BSN: variants seen among roughly 807,000 people sequenced by gnomAD.
BSN encodes the protein protein bassoon.
Under a neutral mutation model 264.8 loss-of-function variants are expected in BSN, and 57 were observed. That is an observed-to-expected ratio of 0.22 (90% CI 0.17 to 0.27). The LOEUF (loss-of-function observed/expected upper bound fraction) is 0.27. BSN is among the 10% of genes least tolerant of loss of function. The pLI is 1.00. For synonymous variants in BSN, 2,059 were observed against 2,137.3 expected (o/e 0.96, Z 1.01); for missense variants, 4,615 against 5,232.5 (o/e 0.88, Z 3.64).
chr3:49,592,481 C>T (rs999612719), intron 1 of BSN, among the ~76,000 whole-genome samples: 3 of 150,590 alleles, frequency 2.0e-5, no homozygotes, highest in Admixed American at 1.3e-4. Flanking sequence ...GGGCCGGACG[C>T]GGTGGCTCAC....
At chr3:49,636,152 C>T (rs377699890) in intron 2 of BSN, among the ~76,000 whole-genome samples, 5 of 152,176 alleles carry the variant, frequency 3.3e-5, no homozygotes, top group African/African-American at 1.2e-4. Context: ...TGGTCTGCAG[C>T]TCAGCCCCAT....
intron 1 of BSN, among the ~76,000 whole-genome samples, chr3:49,558,938 G>T (rs1249935938): frequency 6.6e-6 from 1 of 152,006 alleles, no homozygotes; most frequent in African/African-American, 2.4e-5. Context: ...TTTGTTTTTT[G>T]TTTTTTGAGA....
At chr3:49,607,038 C>T (rs1282158273) in intron 1 of BSN, among the ~76,000 whole-genome samples, 6 of 152,096 alleles carry the variant, frequency 3.9e-5, no homozygotes, top group Non-Finnish European at 7.4e-5. Flanking sequence ...CTGTGCAGAC[C>T]CCCATGCACT....
In BSN at chr3:49,655,391, G is replaced by C. The variant is rs2052589997; in HGVS notation, c.5835G>C (p.Arg1945=). 5.1e-6 allele frequency: 8 copies of C among 1,578,022 alleles called. No individual in the cohort carries two copies. The highest frequency in any genetic ancestry group is 6.0e-6 in the Non-Finnish European group (7 of 1,161,556). ...GQSSSPFYGP[R]DPEPPEPPTY... ...GCAGCAGCCCCTTCTATGGTCCCCG[G>C]GACCCTGAGCCTCCTGAGCCCCCAA... The change falls in exon 5 of 12, where the codon CGG becomes CGC. Residue 1945 remains arginine, a synonymous_variant. Coordinates refer to ENST00000296452, the MANE Select transcript of BSN (RefSeq NM_003458.4).
chr3:49,658,134 G>A lies in BSN; in HGVS notation c.8578G>A (p.Ala2860Thr), dbSNP rs778635609. Residue 2860 changes from alanine (A) to threonine (T), a missense_variant, in exon 5 of 12, where the codon GCC (alanine) becomes ACC (threonine). Around this residue, in one of 3 missense-constraint regions of BSN, gnomAD observed 3,415 missense variants for 3,866.4 expected, o/e 0.88. Coordinates refer to ENST00000296452, the MANE Select transcript of BSN (RefSeq NM_003458.4). ...LSDPKPLSPT[A>T]EESAKERFSL... ...TGACCCTAAGCCCCTCAGCCCCACC[G>A]CCGAAGAGTCTGCCAAAGAGAGATT... The A allele has an allele frequency of 1.0e-5, 16 of 1,606,350 alleles. No individual in the cohort carries two copies. In the African/African-American group the frequency reaches 1.3e-4, roughly 13 times the overall value.
Position 49,656,726 on chromosome 3 carries a change from G to A in BSN, c.7170G>A (p.Leu2390=). The part of the protein sequence containing the change: ...VELEKLRQLR[L]QEELERERVE... ...TGGAGAAGCTGCGACAACTTCGGCT[G>A]CAAGAGGAGCTAGAGCGGGAACGTG... The change falls in exon 5 of 12, where the codon CTG becomes CTA. Residue 2390 remains leucine, a synonymous_variant. Coordinates refer to ENST00000296452, the MANE Select transcript of BSN (RefSeq NM_003458.4). 1.3e-6 allele frequency: 2 copies of A among 1,577,580 alleles called. No homozygotes were observed. The highest frequency in any genetic ancestry group is 1.1e-5 in the South Asian group (1 of 86,972).
chr3:49,603,404 TCTTAGGGTG>T, intron 1 of BSN, among the ~76,000 whole-genome samples: 1 of 152,300 alleles, frequency 6.6e-6, no homozygotes, highest in African/African-American at 2.4e-5. Flanking sequence ...GTTCCTGACT[TCTTAGGGTG>T]TATCTTAGGA....
chr3:49,670,353 C>G lies in BSN; in HGVS notation c.*2868C>G, dbSNP rs1158320021. The G allele has an allele frequency of 6.6e-6, 1 of 152,246 alleles. No homozygotes were observed. The highest frequency in any genetic ancestry group is 1.5e-5 in the Non-Finnish European group (1 of 68,044). The allele number at this position is 152,246 out of a possible 1,614,324, so 9.4% of individuals were successfully genotyped here. A position where few individuals can be genotyped will look rare whatever the true frequency, so the allele number is the denominator to read the frequency against. ...CAGGGAAATGTTAGGAGGTCAGCCTCCAGCAGGCCTAGTCTCAGGCTCTAA... is the reference window on the plus strand; with the variant it reads ...CAGGGAAATGTTAGGAGGTCAGCCTGCAGCAGGCCTAGTCTCAGGCTCTAA... On this transcript the variant is annotated 3_prime_UTR_variant, in exon 12 of 12. Coordinates refer to ENST00000296452, the MANE Select transcript of BSN (RefSeq NM_003458.4).
In BSN at chr3:49,653,000, G is replaced by A. The variant is rs1353875207; in HGVS notation, c.3444G>A (p.Lys1148=). The change falls in exon 5 of 12, where the codon AAG becomes AAA. Residue 1148 remains lysine (K), a synonymous_variant. Coordinates refer to ENST00000296452, the MANE Select transcript of BSN (RefSeq NM_003458.4). ...ALDGGPSRLY[K]SGSEYNLPTF... ...ATGGTGGCCCTAGCCGGCTTTACAAGTCAGGCAGTGAGTACAACCTGCCCA... is the reference window on the plus strand; with the variant it reads ...ATGGTGGCCCTAGCCGGCTTTACAAATCAGGCAGTGAGTACAACCTGCCCA... 2 of 1,613,500 alleles carry A rather than the reference G, an allele frequency of 1.2e-6. No individual in the cohort carries two copies. The highest frequency in any genetic ancestry group is 2.7e-5 in the African/African-American group (2 of 75,030).
Position 49,651,208 on chromosome 3 carries a change from A to T in BSN, c.1986+129A>T. The T allele has an allele frequency of 1.1e-6, 1 of 924,400 alleles. No individual in the cohort carries two copies. The highest frequency in any genetic ancestry group is 1.6e-6 in the Non-Finnish European group (1 of 634,344). 57.3% of individuals were successfully genotyped at this position (924,400 alleles called of 1,614,324 possible). A position where few individuals can be genotyped will look rare whatever the true frequency, so the allele number is the denominator to read the frequency against. On this transcript the variant is annotated intron_variant, in intron 4 of 11. Transcript: ENST00000296452. This position sits in a 1 kb window ranked among gnomAD's most constrained non-coding sequence, Gnocchi z 5.4. ...CTTGGGGCCACACAGGAGGGAAGGG[A>T]CACAGTAGAAGGAAAGTCTAGATGA... is the stretch of plus-strand genomic sequence containing the variant.
In BSN at chr3:49,651,183, C is replaced by G; in HGVS notation, c.1986+104C>G. On this transcript the variant is annotated intron_variant, in intron 4 of 11. Coordinates refer to ENST00000296452, the MANE Select transcript of BSN (RefSeq NM_003458.4). The surrounding 1 kb of genome is among the most constrained non-coding windows in gnomAD (Gnocchi z 5.4). The stretch of plus-strand genomic sequence containing the variant: ...GAGGCTGTAGGCTCAGGACAGGTGC[C>G]TTGGGGCCACACAGGAGGGAAGGGA... 1 of 1,145,832 alleles carries G rather than the reference C, an allele frequency of 8.7e-7. No homozygotes were observed. Among genetic ancestry groups the G allele is most frequent in the Non-Finnish European group, 1.2e-6 (1 of 828,862 alleles). The allele number at this position is 1,145,832 out of a possible 1,614,324, so 71.0% of individuals were successfully genotyped here. A position where few individuals can be genotyped will look rare whatever the true frequency, so the allele number is the denominator to read the frequency against.
Position 49,662,047 on chromosome 3 carries a change from G to A in BSN, c.10202G>A (p.Gly3401Asp), listed in dbSNP as rs749635060. Residue 3401 changes from glycine (G) to aspartate (D), a missense_variant, in exon 6 of 12, where the codon GGC becomes GAC. This residue lies in a region of BSN where 3,415 missense variants were observed against 3,866.4 expected (regional missense o/e 0.88). Coordinates refer to ENST00000296452, the MANE Select transcript of BSN (RefSeq NM_003458.4). ...PAVSSSLVSR[G>D]RKFQDEITYG... ...GTCAGCAGCAGCCTGGTCTCTCGGG[G>A]CAGGAAGTTCCAGGATGAAATCACC... 6.2e-7 allele frequency: 1 copy of A among 1,613,668 alleles called. No individual in the cohort carries two copies. Among genetic ancestry groups the A allele is most frequent in the Non-Finnish European group, 8.5e-7 (1 of 1,180,048 alleles).
intron 2 of BSN, among the ~76,000 whole-genome samples, chr3:49,637,370 T>C (rs2052427716): frequency 6.6e-6 from 1 of 152,106 alleles, no homozygotes; most frequent in Non-Finnish European, 1.5e-5. Context: ...GGGCCAGATA[T>C]GGCAAGCAAG....
chr3:49,664,634 T>C, intron 9 of BSN, 80 bp downstream of exon 9: 1 of 1,546,382 alleles, frequency 6.5e-7, no homozygotes, highest in South Asian at 1.2e-5. Context: ...CCAGACTCAG[T>C]CACCCAGGCA....
At chr3:49,658,346 G>A in intron 5 of BSN, 150 bp downstream of exon 5, 1 of 989,598 alleles carries the variant, frequency 1.0e-6, no homozygotes, top group Non-Finnish European at 1.4e-6. Context: ...GATGCTCCCT[G>A]GTGCACATCT....
Position 49,663,896 on chromosome 3 carries a change from T to C in BSN, c.11608+10T>C, listed in dbSNP as rs1447828529. 6.2e-7 allele frequency: 1 copy of C among 1,613,058 alleles called. No homozygotes were observed. Among genetic ancestry groups the C allele is most frequent in the Non-Finnish European group, 8.5e-7 (1 of 1,179,492 alleles). On this transcript the variant is annotated intron_variant, in intron 8 of 11. Coordinates refer to ENST00000296452, the MANE Select transcript of BSN (RefSeq NM_003458.4). ...GGACCTGGACCTGCAGGTGAGCCTA[T>C]CCTTTGACACCCTTGGCTGTGGCCC...
chr3:49,653,161 A>G lies in BSN; in HGVS notation c.3605A>G (p.Gln1202Arg). The G allele has an allele frequency of 6.2e-7, 1 of 1,612,610 alleles. No homozygotes were observed. Among genetic ancestry groups the G allele is most frequent in the Non-Finnish European group, 8.5e-7 (1 of 1,179,796 alleles). ...AAAGCTGAGCTGCTCCAGAGGCAGCAAGGCCAGGCAGCAGGGGCCCGGGGA... is the reference window on the plus strand; with the variant it reads ...AAAGCTGAGCTGCTCCAGAGGCAGCGAGGCCAGGCAGCAGGGGCCCGGGGA... The part of the protein sequence containing the change: ...MRKAELLQRQ[Q>R]GQAAGARGPH... Residue 1202 changes from glutamine (Q) to arginine (R), a missense_variant, in exon 5 of 12, where the codon CAA (glutamine) becomes CGA (arginine). Gln to Arg is a conservative substitution (Grantham distance 43). Around this residue, in one of 3 missense-constraint regions of BSN, gnomAD observed 3,415 missense variants for 3,866.4 expected, o/e 0.88. Transcript: ENST00000296452. This position sits in a 1 kb window ranked among gnomAD's most constrained non-coding sequence, Gnocchi z 6.3.
chr3:49,606,321 A>AAAATATATATTATATATATT (rs1559603740), intron 1 of BSN, among the ~76,000 whole-genome samples: 80 of 114,712 alleles, frequency 7.0e-4, no homozygotes, highest in South Asian at 1.2e-3. Context: ...AATATATATT[A>AAAATATATATTATATATATT]AAAATATATA....
chr3:49,603,260 C>A (rs1260364980), intron 1 of BSN, among the ~76,000 whole-genome samples: 1 of 152,220 alleles, frequency 6.6e-6, no homozygotes, highest in Non-Finnish European at 1.5e-5. Context: ...AGTGTGCTTG[C>A]CTCTGTGACT....
Sources: gnomAD v4.1 joint callset for allele counts (sites outside exome capture counted in the v4.1 genomes callset) on GRCh38, gnomAD v4.1.1 for gene constraint, gnomAD v4.1.1 regional missense constraint, Gnocchi (gnomAD v3.1) non-coding constraint, MANE v1.5 for transcripts, NCBI Gene and HGNC (gene_info 2026-07-23, HGNC 2026-07-21) for gene names.